Variants in ADGRB3 observed in about 807,000 individuals in gnomAD.
ADGRB3 encodes the protein adhesion G protein-coupled receptor B3.
Under a neutral mutation model 193.4 loss-of-function variants are expected in ADGRB3, and 37 were observed. The ratio of observed to expected loss-of-function variants is 0.19; its 90% CI spans 0.15 to 0.25. The LOEUF is 0.25. ADGRB3 is among the 10% of genes least tolerant of loss of function. ADGRB3 has a pLI of 1.00. For missense variants in ADGRB3, 1,637 were observed against 1,852.9 expected, an observed-to-expected ratio of 0.88 and a Z score of 2.14; for synonymous variants, 690 against 644.2, an observed-to-expected ratio of 1.07 and a Z score of -1.08.
chr6:68,767,938 A>G (rs1766542152), intron 3 of ADGRB3, among the ~76,000 whole-genome samples: 1 of 152,096 alleles, frequency 6.6e-6, no homozygotes, highest in Non-Finnish European at 1.5e-5. Context: ...CTCCCATTCA[A>G]ATTGCTAAAA....
rs1372355224 is a variant in ADGRB3 at position 69,074,142 on chromosome 6, T to G, written c.2437-1853T>G. ...AATGGGAAACAAAAACAAATGCATTTTCTGATTGCTTAAAAAAAAAAAGTA... is the reference window on the plus strand; with the variant it reads ...AATGGGAAACAAAAACAAATGCATTGTCTGATTGCTTAAAAAAAAAAAGTA... On this transcript the variant is annotated intron_variant, in intron 16 of 31. Transcript: ENST00000370598. Among the ~76,000 whole-genome samples the G allele has an allele frequency of 3.2e-5, 3 of 94,700 alleles. No individual in the cohort carries two copies. The Admixed American group carries it at 4.1e-4, about 13-fold the overall frequency. The allele number at this position is 94,700 out of a possible 152,430, so 62.1% of individuals were successfully genotyped here. A position where few individuals can be genotyped will look rare whatever the true frequency, so the allele number is the denominator to read the frequency against.
rs137977887 is a variant in ADGRB3, at chr6:68,639,181, A to G, written c.506A>G (p.His169Arg). The G allele has an allele frequency of 1.7e-3, 2,702 of 1,614,186 alleles. 75 individuals carry two copies. The Admixed American group carries it at 0.042, about 25-fold the overall frequency. ...NKVSPSQFGC[H>R]VLCTWLESCL... ...GTCAGCCCAAGCCAGTTTGGTTGCC[A>G]TGTATTATGTACTTGGTTGGAGAGC... The change falls in exon 3 of 32, where the codon CAT becomes CGT. Residue 169 changes from histidine to arginine, a missense_variant. This residue lies in a region of ADGRB3 where 365 missense variants were observed against 409.8 expected (regional missense o/e 0.89). Coordinates refer to ENST00000370598, the MANE Select transcript of ADGRB3 (RefSeq NM_001704.3).
At chr6:68,749,104 CT>C (rs1420545779) in intron 3 of ADGRB3, among the ~76,000 whole-genome samples, 2 of 152,062 alleles carry the variant, frequency 1.3e-5, no homozygotes, top group South Asian at 2.1e-4. Flanking sequence ...CCTCCTGGGC[CT>C]CTTGGTCTAT....
rs142126533 is a variant in ADGRB3, at chr6:68,870,863, T to C, written c.758-59696T>C. On this transcript the variant is annotated intron_variant, in intron 3 of 31. Coordinates refer to ENST00000370598, the MANE Select transcript of ADGRB3 (RefSeq NM_001704.3). ...CTGGCAAATTTTACACTCAGTCTGA[T>C]TGCTATGTTATTAAACCACTCTTTA... Among the ~76,000 whole-genome samples the C allele has an allele frequency of 7.2e-5, 11 of 152,356 alleles. No homozygotes were observed. In the East Asian group the frequency reaches 2.1e-3, roughly 29 times the overall value.
Position 68,961,148 on chromosome 6 carries a change from C to A in ADGRB3, c.1525+4339C>A, listed in dbSNP as rs187272795. 2.2e-3 allele frequency among the ~76,000 whole-genome samples: 337 copies of A among 152,222 alleles called. 3 individuals carry two copies. The highest frequency in any genetic ancestry group is 3.5e-3 in the Non-Finnish European group (239 of 68,000). On this transcript the variant is annotated intron_variant, in intron 8 of 31. Coordinates refer to ENST00000370598, the MANE Select transcript of ADGRB3 (RefSeq NM_001704.3). The stretch of plus-strand genomic sequence containing the variant: ...ACTCATGTTTCAGCCAAAATAAGAT[C>A]TCTTTACAGCAGTCATTTAAAGAAA...
intron 17 of ADGRB3, among the ~76,000 whole-genome samples, chr6:69,207,874 G>A (rs1308460940): frequency 1.3e-5 from 2 of 152,200 alleles, no homozygotes; most frequent in Non-Finnish European, 2.9e-5. Flanking sequence ...TCCACAGATG[G>A]TAGTCTTGGC....
At chr6:68,903,454 T>C (rs1201651294) in intron 3 of ADGRB3, among the ~76,000 whole-genome samples, 1 of 152,212 alleles carries the variant, frequency 6.6e-6, no homozygotes, top group Non-Finnish European at 1.5e-5. Flanking sequence ...TCTCAGGATA[T>C]ATTTAGTTTT....
At chr6:68,993,236 G>T (rs920568736) in intron 10 of ADGRB3, among the ~76,000 whole-genome samples, 2 of 151,792 alleles carry the variant, frequency 1.3e-5, no homozygotes, top group African/African-American at 4.8e-5. Flanking sequence ...TTTCAATCAT[G>T]TCATAGTAAA....
intron 16 of ADGRB3, among the ~76,000 whole-genome samples, chr6:69,074,018 G>C (rs911255698): frequency 1.3e-5 from 2 of 152,140 alleles, no homozygotes; most frequent in Non-Finnish European, 2.9e-5. Context: ...TTATTTAAGA[G>C]TGGCTCAAAA....
At chr6:68,815,055 G>A (rs1767602118) in intron 3 of ADGRB3, among the ~76,000 whole-genome samples, 1 of 152,106 alleles carries the variant, frequency 6.6e-6, no homozygotes, top group African/African-American at 2.4e-5. Context: ...AAAACTGGAA[G>A]CATTCCCCTT....
At chr6:68,672,610 G>T (rs563423407) in intron 3 of ADGRB3, among the ~76,000 whole-genome samples, 5 of 152,090 alleles carry the variant, frequency 3.3e-5, no homozygotes, top group East Asian at 3.9e-4. Flanking sequence ...TGGTATACAG[G>T]AGTGCGCAAT....
chr6:68,790,845 G>C (rs1257203789), intron 3 of ADGRB3, among the ~76,000 whole-genome samples: 6 of 152,100 alleles, frequency 3.9e-5, no homozygotes, highest in Non-Finnish European at 7.4e-5. Context: ...GAAAAAAACA[G>C]AGCAGAAAAA....
chr6:68,646,988 G>A (rs1768231516), intron 3 of ADGRB3, among the ~76,000 whole-genome samples: 2 of 152,090 alleles, frequency 1.3e-5, no homozygotes, highest in African/African-American at 4.8e-5. Context: ...AATTTGGGTT[G>A]GAAACTTTAA....
chr6:69,020,865 A>G (rs1770242996), intron 13 of ADGRB3, among the ~76,000 whole-genome samples: 1 of 152,056 alleles, frequency 6.6e-6, no homozygotes, highest in African/African-American at 2.4e-5. Context: ...ATACACTAGT[A>G]TCAAATTAAG....
chr6:69,069,460 A>C, intron 16 of ADGRB3, among the ~76,000 whole-genome samples: 1 of 148,144 alleles, frequency 6.8e-6, no homozygotes. Context: ...AGTATCATTA[A>C]AATTATGGGG....
chr6:69,239,864 C>G (rs1561963092), intron 20 of ADGRB3, among the ~76,000 whole-genome samples: 1 of 151,974 alleles, frequency 6.6e-6, no homozygotes, highest in East Asian at 1.9e-4. Flanking sequence ...ATTGTCTTTA[C>G]TATTCTGAAA....
intron 3 of ADGRB3, among the ~76,000 whole-genome samples, chr6:68,867,277 G>C (rs541396691): frequency 2.6e-5 from 4 of 152,324 alleles, no homozygotes; most frequent in African/African-American, 4.8e-5. Context: ...ATGGCTAAAA[G>C]GGGGAAGGTA....
At chr6:69,289,499 C>T (rs774333953) in intron 20 of ADGRB3, among the ~76,000 whole-genome samples, 4 of 152,112 alleles carry the variant, frequency 2.6e-5, no homozygotes, top group African/African-American at 4.8e-5. Flanking sequence ...TCAGGTGTTA[C>T]GGTTTTGCCC....
At chr6:68,668,725 A>G (rs2585622) in intron 3 of ADGRB3, among the ~76,000 whole-genome samples, 88,273 of 151,568 alleles carry the variant, frequency 0.58, 25,963 homozygotes, top group African/African-American at 0.63. Context: ...TACTGTTACC[A>G]CTTTTTAATG....
Sources: allele counts gnomAD v4.1 joint callset (sites outside exome capture counted in the v4.1 genomes callset), GRCh38; gene constraint gnomAD v4.1.1; regional missense constraint gnomAD v4.1.1; transcripts MANE v1.5; gene names NCBI Gene and HGNC (gene_info 2026-07-23, HGNC 2026-07-21).